CSMD1: variants seen among roughly 807,000 people sequenced by gnomAD.
CSMD1 encodes the protein CUB and sushi domain-containing protein 1.
In CSMD1, 213 loss-of-function variants were observed where a neutral mutation model predicts 417.5. That is an observed-to-expected ratio of 0.51 (90% CI 0.46 to 0.57). The LOEUF is 0.57. CSMD1 is among the 20% of genes least tolerant of loss of function. The pLI is 0.00. For synonymous variants in CSMD1, 2,862 were observed against 1,736.8 expected, an observed-to-expected ratio of 1.65 and a Z score of -16.11; for missense variants, 6,923 against 4,529.7, an observed-to-expected ratio of 1.53 and a Z score of -15.17.
chr8:3,169,537 G>T (rs1265400571), intron 37 of CSMD1, among the ~76,000 whole-genome samples: 1 of 152,088 alleles, frequency 6.6e-6, no homozygotes, highest in Non-Finnish European at 1.5e-5. Flanking sequence ...GACAGAATTA[G>T]TGTTTAATGA....
At chr8:3,426,938 A>G (rs117939274) in intron 12 of CSMD1, among the ~76,000 whole-genome samples, 2,080 of 152,272 alleles carry the variant, frequency 0.014, 51 homozygotes, top group East Asian at 0.1. Flanking sequence ...GAAACTTACA[A>G]TCGTGGTGGA....
chr8:3,728,357 C>A (rs1162303812), intron 6 of CSMD1, among the ~76,000 whole-genome samples: 2 of 152,154 alleles, frequency 1.3e-5, no homozygotes, highest in East Asian at 3.9e-4. Context: ...GTCCATTAAA[C>A]CTCGTTCCTT....
rs1410738289 is a variant in CSMD1 at position 4,104,124 on chromosome 8, T to A, written c.416-72025A>T. On this transcript the variant is annotated intron_variant, in intron 3 of 69. Transcript: ENST00000635120. ...ATTGACCTGTCCCACAGAAGCAGAG[T>A]GTTGATTCAGTCCCTCGTCTGCAGC... Among the ~76,000 whole-genome samples the A allele has an allele frequency of 2.0e-5, 3 of 152,076 alleles. No homozygotes were observed. In the East Asian group the frequency reaches 5.8e-4, roughly 29 times the overall value.
intron 25 of CSMD1, among the ~76,000 whole-genome samples, chr8:3,293,198 G>A (rs908528137): frequency 2.0e-5 from 3 of 152,190 alleles, no homozygotes; most frequent in Admixed American, 2.0e-4. Context: ...GAGATCCGCT[G>A]TTGGTCTGAT....
intron 7 of CSMD1, among the ~76,000 whole-genome samples, chr8:3,617,885 C>T (rs1285426920): frequency 1.3e-5 from 2 of 152,126 alleles, no homozygotes; most frequent in African/African-American, 4.8e-5. Context: ...TATACATTTT[C>T]TCACAAATAT....
At chr8:3,721,298 A>T (rs1373385499) in intron 6 of CSMD1, among the ~76,000 whole-genome samples, 2 of 152,168 alleles carry the variant, frequency 1.3e-5, no homozygotes, top group African/African-American at 4.8e-5. Context: ...ATGAGTGGCC[A>T]CATATTCGGG....
intron 38 of CSMD1, among the ~76,000 whole-genome samples, chr8:3,158,681 T>G (rs1171706452): frequency 3.3e-5 from 5 of 152,054 alleles, no homozygotes; most frequent in African/African-American, 1.2e-4. Flanking sequence ...CAAAGATGTT[T>G]TGTGCTAACA....
chr8:3,279,985 G>T (rs1802605272), intron 26 of CSMD1, among the ~76,000 whole-genome samples: 1 of 152,160 alleles, frequency 6.6e-6, no homozygotes, highest in Admixed American at 6.5e-5. Flanking sequence ...AGGTTACTTG[G>T]AATTAGTACA....
At chr8:3,791,797 T>G (rs1461733236) in intron 5 of CSMD1, among the ~76,000 whole-genome samples, 1 of 151,970 alleles carries the variant, frequency 6.6e-6, no homozygotes, top group African/African-American at 2.4e-5. Flanking sequence ...CACTCCAGCC[T>G]GGGTGACAGA....
chr8:4,642,591 T>G (rs1406277970), intron 1 of CSMD1, among the ~76,000 whole-genome samples: 3 of 152,192 alleles, frequency 2.0e-5, no homozygotes, highest in Non-Finnish European at 4.4e-5. Flanking sequence ...CTGTGCTGTT[T>G]CTCTCAGTCC....
At chr8:3,228,782 GA>G (rs77087790) in intron 27 of CSMD1, among the ~76,000 whole-genome samples, 86 of 141,118 alleles carry the variant, frequency 6.1e-4, no homozygotes, top group Middle Eastern at 3.5e-3. Flanking sequence ...AAAATGGAAG[GA>G]AAAAAAAAAA....
chr8:4,826,035 T>C (rs12541421), intron 1 of CSMD1, among the ~76,000 whole-genome samples: 2 of 152,008 alleles, frequency 1.3e-5, no homozygotes, highest in African/African-American at 4.8e-5. Flanking sequence ...TCACTGTCCA[T>C]TGAACATGAA....
At chr8:3,520,304 G>A (rs1797454545) in intron 10 of CSMD1, among the ~76,000 whole-genome samples, 1 of 152,160 alleles carries the variant, frequency 6.6e-6, no homozygotes, top group Non-Finnish European at 1.5e-5. Flanking sequence ...CCAAAATGTT[G>A]AAGAACTGGC....
chr8:4,540,586 G>C (rs779761637), intron 2 of CSMD1, among the ~76,000 whole-genome samples: 1 of 152,074 alleles, frequency 6.6e-6, no homozygotes, highest in African/African-American at 2.4e-5. Flanking sequence ...TTTAATTAAA[G>C]ATAATAAGCA....
chr8:3,308,669 A>G (rs1805083198), intron 23 of CSMD1, among the ~76,000 whole-genome samples, 166 bp from the exon 24 acceptor site: 3 of 143,860 alleles, frequency 2.1e-5, no homozygotes, highest in South Asian at 4.5e-4. Context: ...TACTGGGGCT[A>G]TTTGTTACCC....
intron 3 of CSMD1, among the ~76,000 whole-genome samples, chr8:4,138,401 T>C (rs911435425): frequency 6.6e-6 from 1 of 152,072 alleles, no homozygotes; most frequent in African/African-American, 2.4e-5. Context: ...CCTCCTTACG[T>C]CCAGTTCTGA....
chr8:3,283,583 A>G (rs1046307878), intron 26 of CSMD1, among the ~76,000 whole-genome samples: 1 of 152,214 alleles, frequency 6.6e-6, no homozygotes, highest in African/African-American at 2.4e-5. Flanking sequence ...CTGCAGAAGC[A>G]GGAAAGCCAC....
chr8:4,054,714 G>C (rs945217387), intron 3 of CSMD1, among the ~76,000 whole-genome samples: 5 of 152,128 alleles, frequency 3.3e-5, no homozygotes, highest in African/African-American at 1.2e-4. Context: ...GGTGCCCAGA[G>C]GAAAATAAAC....
intron 57 of CSMD1, among the ~76,000 whole-genome samples, chr8:2,970,902 C>G (rs563295164): frequency 6.9e-4 from 105 of 152,304 alleles, no homozygotes; most frequent in African/African-American, 2.5e-3. Flanking sequence ...CAGGATTAAA[C>G]AAACTTCACA....
Sources: allele counts gnomAD v4.1 joint callset (sites outside exome capture counted in the v4.1 genomes callset), GRCh38; gene constraint gnomAD v4.1.1; transcripts MANE v1.5; gene names NCBI Gene and HGNC (gene_info 2026-07-23, HGNC 2026-07-21).